ANO10: variants seen among roughly 807,000 people sequenced by gnomAD.
ANO10 encodes the protein anoctamin-10.
A neutral mutation model predicts 74.7 loss-of-function variants in ANO10; 77 were observed. That is an observed-to-expected ratio of 1.03 (90% CI 0.86 to 1.25). The LOEUF (loss-of-function observed/expected upper bound fraction) is 1.25, where lower values mean the gene tolerates loss of function less well. Among genes scored for constraint, ANO10 ranks in the 50% most tolerant of loss-of-function variants. The probability of loss-of-function intolerance (pLI) is 0.00; values close to 1 mark genes in which losing one functional copy is unlikely to be tolerated. For missense variants in ANO10, 721 were observed against 778.1 expected (o/e 0.93, Z 0.87); for synonymous variants, 279 against 284.9 (o/e 0.98, Z 0.21).
chr3:43,689,326 C>T (rs2084320621), intron 1 of ANO10: 2 of 152,190 alleles, frequency 1.3e-5, no homozygotes, highest in South Asian at 4.1e-4. Context: ...TTGCTGCTGT[C>T]CAAGACCATG....
chr3:43,574,900 A>G, intron 6 of ANO10, 36 bp from the exon 7 acceptor site: 2 of 1,576,718 alleles, frequency 1.3e-6, no homozygotes, highest in Non-Finnish European at 1.7e-6. Flanking sequence ...CTTCTCAGTA[A>G]GAAAACAATA....
intron 12 of ANO10, among the ~76,000 whole-genome samples, chr3:43,370,673 A>G (rs1267312258): frequency 6.6e-6 from 1 of 152,256 alleles, no homozygotes; most frequent in Admixed American, 6.5e-5. Flanking sequence ...GACTTCTCCA[A>G]AAAAGTATCA....
chr3:43,551,684 CAT>C, intron 10 of ANO10: 1 of 390,034 alleles, frequency 2.6e-6, no homozygotes. Flanking sequence ...CTTTTATCAT[CAT>C]AGAATGGTCC....
chr3:43,540,337 C>T (rs2078901042), intron 11 of ANO10, among the ~76,000 whole-genome samples: 1 of 152,206 alleles, frequency 6.6e-6, no homozygotes, highest in Non-Finnish European at 1.5e-5. Flanking sequence ...AAGACAATGT[C>T]TAAGATGCCC....
upstream of ANO10, among the ~76,000 whole-genome samples, chr3:43,624,936 G>A (rs1485986877): frequency 6.6e-6 from 1 of 152,202 alleles, no homozygotes; most frequent in Non-Finnish European, 1.5e-5. Context: ...GAGAAACTGT[G>A]GCTAAGGAGA....
chr3:43,549,985 T>C (rs2079385347), intron 10 of ANO10, 137 bp from the exon 11 acceptor site: 3 of 1,036,516 alleles, frequency 2.9e-6, no homozygotes, highest in Non-Finnish European at 4.2e-6. Context: ...TAAATTTTTT[T>C]CTCTGTCATG....
chr3:43,371,341 T>G (rs1022992036), intron 12 of ANO10, among the ~76,000 whole-genome samples: 2 of 152,106 alleles, frequency 1.3e-5, no homozygotes, highest in African/African-American at 4.8e-5. Flanking sequence ...ACATAGGGTG[T>G]CTAGGAATGG....
At chr3:43,663,389 C>T (rs2083950005) in intron 1 of ANO10, among the ~76,000 whole-genome samples, 1 of 152,196 alleles carries the variant, frequency 6.6e-6, no homozygotes, top group Non-Finnish European at 1.5e-5. Context: ...TGGAACATAT[C>T]TCAACATAAT....
At chr3:43,675,268 T>C (rs1232475612) in intron 1 of ANO10, among the ~76,000 whole-genome samples, 1 of 152,086 alleles carries the variant, frequency 6.6e-6, no homozygotes, top group Non-Finnish European at 1.5e-5. Flanking sequence ...TGTAAAATCA[T>C]AAAACTTTTA....
rs200666743 is a variant in ANO10, at chr3:43,665,748, A to G, written c.-12+25769T>C. 1.6e-3 allele frequency among the ~76,000 whole-genome samples: 238 copies of G among 152,328 alleles called. 1 individual carries two copies. The highest frequency in any genetic ancestry group is 5.3e-3 in the African/African-American group (219 of 41,568). On this transcript the variant is annotated intron_variant, in intron 1 of 3. Transcript: ENST00000413397. The stretch of plus-strand genomic sequence containing the variant: ...CTGGTTGGTCGTAGCTCTGACTTTG[A>G]GATCCAATTAGCTAGTTTAAATGTA...
intron 11 of ANO10, among the ~76,000 whole-genome samples, chr3:43,454,784 AAAG>A (rs1385596468): frequency 1.1e-4 from 17 of 152,318 alleles, no homozygotes; most frequent in South Asian, 8.3e-4. Flanking sequence ...AAATAATATG[AAAG>A]AAGAAGAACT....
intron 1 of ANO10, among the ~76,000 whole-genome samples, chr3:43,682,912 G>A (rs1309668892): frequency 1.3e-5 from 2 of 152,122 alleles, no homozygotes; most frequent in Non-Finnish European, 2.9e-5. Flanking sequence ...AATAAATTAG[G>A]TATTGACGGG....
intron 12 of ANO10, among the ~76,000 whole-genome samples, chr3:43,381,465 G>C (rs2091956504): frequency 6.6e-6 from 1 of 152,076 alleles, no homozygotes; most frequent in Non-Finnish European, 1.5e-5. Flanking sequence ...AGTTAAAAAG[G>C]ACAAACAGGG....
chr3:43,576,154 T>C (rs1447874378), intron 6 of ANO10, among the ~76,000 whole-genome samples: 1 of 152,204 alleles, frequency 6.6e-6, no homozygotes, highest in African/African-American at 2.4e-5. Context: ...TCACACCAAC[T>C]AGACACTCCA....
rs745434303 is a variant in ANO10 at position 43,576,677 on chromosome 3, A to T, written c.1162+15T>A. 4 of 1,613,286 alleles carry T rather than the reference A, an allele frequency of 2.5e-6. No homozygotes were observed. The African/African-American group carries it at 5.3e-5, about 22-fold the overall frequency. On this transcript the variant is annotated intron_variant, in intron 6 of 12. Coordinates refer to ENST00000292246, the MANE Select transcript of ANO10 (RefSeq NM_018075.5). ...ACAGGCAAGTAAGACGTGAATATAA[A>T]GCCTCAAGTCTTACCCCATGAAGTT...
intron 8 of ANO10, 129 bp downstream of exon 8, chr3:43,565,524 G>A (rs991980623): frequency 2.5e-6 from 2 of 810,934 alleles, no homozygotes; most frequent in African/African-American, 3.5e-5. Flanking sequence ...TTTAGAATTT[G>A]GCTTAAAAAC....
chr3:43,543,657 G>T (rs999015114), intron 11 of ANO10, among the ~76,000 whole-genome samples: 3 of 152,198 alleles, frequency 2.0e-5, no homozygotes, highest in Non-Finnish European at 2.9e-5. Context: ...AAAGTGCTAG[G>T]ATTACAGGCG....
In ANO10 at chr3:43,463,252, A is replaced by C. The variant is rs1233352516; in HGVS notation, c.1798-30525T>G. 3.3e-5 allele frequency among the ~76,000 whole-genome samples: 5 copies of C among 152,348 alleles called. No homozygotes were observed. In the East Asian group the frequency reaches 7.7e-4, roughly 24 times the overall value. On this transcript the variant is annotated intron_variant, in intron 11 of 12. Transcript: ENST00000292246. ...ACACTTAACACCAGCCCCTGAAAGC[A>C]GCCAGGAGGGAGGCTGTACCCTGCA...
chr3:43,459,409 G>A (rs17075727), intron 11 of ANO10, among the ~76,000 whole-genome samples: 31,002 of 152,080 alleles, frequency 0.2, 4,173 homozygotes, highest in East Asian at 0.55. Flanking sequence ...CAGAGAGAGG[G>A]CCACAGATAG....
Sources: allele counts gnomAD v4.1 joint callset (sites outside exome capture counted in the v4.1 genomes callset), GRCh38; gene constraint gnomAD v4.1.1; transcripts MANE v1.5; gene names NCBI Gene and HGNC (gene_info 2026-07-23, HGNC 2026-07-21).